The following VAT1L variants were observed in gnomAD, a reference collection of about 807,000 sequenced individuals.
VAT1L encodes the protein vesicle amine transport 1 like, also known as putative NADPH-dependent quinone oxidoreductase VAT1L.
In VAT1L, 34 loss-of-function variants were observed where a neutral mutation model predicts 44.1. That is an observed-to-expected ratio of 0.77 (90% CI 0.59 to 1.03). The LOEUF (loss-of-function observed/expected upper bound fraction) is 1.03, where lower values mean the gene tolerates loss of function less well. Ranked by LOEUF, VAT1L falls within the 50% of genes least tolerant of loss-of-function variation. The pLI is 0.00. For synonymous variants in VAT1L, 253 were observed against 202.2 expected, an observed-to-expected ratio of 1.25 and a Z score of -2.13; for missense variants, 615 against 538.8, an observed-to-expected ratio of 1.14 and a Z score of -1.40.
At chr16:77,842,233 A>C (rs2016714807) in intron 3 of VAT1L, among the ~76,000 whole-genome samples, 1 of 152,182 alleles carries the variant, frequency 6.6e-6, no homozygotes, top group South Asian at 2.1e-4. Flanking sequence ...TCCAAGGAGA[A>C]AGTCTAAAAA....
At chr16:77,962,767 G>GGAAGGAAA (rs2018176984) in intron 7 of VAT1L, among the ~76,000 whole-genome samples, 2 of 151,406 alleles carry the variant, frequency 1.3e-5, no homozygotes, top group African/African-American at 2.4e-5. Context: ...AAGGAAGGAA[G>GGAAGGAAA]GAAGGAAGGA....
At chr16:77,835,931 G>C (rs2016634299) in intron 3 of VAT1L, among the ~76,000 whole-genome samples, 1 of 151,958 alleles carries the variant, frequency 6.6e-6, no homozygotes, top group East Asian at 1.9e-4. Flanking sequence ...CTGTTGAATA[G>C]TATGTGACAG....
At chr16:77,903,536 A>T (rs2017406800) in intron 7 of VAT1L, among the ~76,000 whole-genome samples, 1 of 152,138 alleles carries the variant, frequency 6.6e-6, no homozygotes, top group South Asian at 2.1e-4. Context: ...ATTGGACTGG[A>T]CCAGGGTGTA....
chr16:77,910,304 G>T (rs544649303), intron 7 of VAT1L, among the ~76,000 whole-genome samples: 13 of 152,230 alleles, frequency 8.5e-5, no homozygotes, highest in African/African-American at 3.1e-4. Flanking sequence ...GCTAAAAAAC[G>T]AGCCTCTCAG....
At chr16:77,796,703 C>T (rs1352289229) in intron 1 of VAT1L, among the ~76,000 whole-genome samples, 1 of 152,216 alleles carries the variant, frequency 6.6e-6, no homozygotes, top group Admixed American at 6.5e-5. Flanking sequence ...CTTTTACATA[C>T]AGAACTAGGA....
chr16:77,870,551 G>T (rs990323209), intron 4 of VAT1L, among the ~76,000 whole-genome samples: 3 of 152,194 alleles, frequency 2.0e-5, no homozygotes, highest in Non-Finnish European at 2.9e-5. Flanking sequence ...TCACCATCCA[G>T]GGCCCGGGGC....
At chr16:77,827,969 GT>G (rs749969470) in intron 3 of VAT1L, among the ~76,000 whole-genome samples, 2 of 152,180 alleles carry the variant, frequency 1.3e-5, no homozygotes, top group African/African-American at 2.4e-5. Context: ...ATGTGGTCTG[GT>G]TTAATCTTCA....
At chr16:77,960,912 C>T (rs2018153619) in intron 7 of VAT1L, among the ~76,000 whole-genome samples, 1 of 152,088 alleles carries the variant, frequency 6.6e-6, no homozygotes, top group Admixed American at 6.6e-5. Flanking sequence ...CCCCATGGGT[C>T]ACGCGCTGAG....
At position 77,946,279 on chromosome 16, in the gene VAT1L, C is replaced by CGTTTTTTTTTTTTTTTTTTTTTT. The variant is rs1223152362; in HGVS notation, c.1078-25571_1078-25570insGTTTTTTTTTTTTTTTTTTTTTT. On this transcript the variant is annotated intron_variant, in intron 7 of 8. Transcript: ENST00000302536. ...GTTCTGGACATCTAGGTTACTTGTTCTTTTTTTTTTTTTTTTTTTTTTGAG... is the reference window on the plus strand; with the variant it reads ...GTTCTGGACATCTAGGTTACTTGTTCGTTTTTTTTTTTTTTTTTTTTTTTTTTTTTTTTTTTTTTTTTTTTGAG... Among the ~76,000 whole-genome samples, 3 of 70,428 alleles carry CGTTTTTTTTTTTTTTTTTTTTTT rather than the reference C, an allele frequency of 4.3e-5. 1 individual carries two copies. The highest frequency in any genetic ancestry group is 1.6e-4 in the African/African-American group (3 of 18,904). 46.2% of individuals were successfully genotyped at this position (70,428 alleles called of 152,430 possible). A position where few individuals can be genotyped will look rare whatever the true frequency, so the allele number is the denominator to read the frequency against.
chr16:77,929,591 A>G (rs12445901), intron 7 of VAT1L, among the ~76,000 whole-genome samples: 22,301 of 152,126 alleles, frequency 0.15, 1,890 homozygotes, highest in East Asian at 0.38. Context: ...AGACACTAAC[A>G]TTTTCAGGAC....
In VAT1L at chr16:77,876,423, C is replaced by T. The variant is rs1310736790; in HGVS notation, c.776C>T (p.Thr259Ile). ...TTGGATTGCCTCTGTGGGGACAACA[C>T]TGGAAAAGGTCTCAGTCTTCTCAAA... The part of the protein sequence containing the change: ...IVLDCLCGDN[T>I]GKGLSLLKPL... Residue 259 changes from threonine to isoleucine, a missense_variant, in exon 5 of 9, where the codon ACT becomes ATT. Transcript: ENST00000302536. The T allele has an allele frequency of 6.2e-7, 1 of 1,614,056 alleles. No homozygotes were observed. Among genetic ancestry groups the T allele is most frequent in the Non-Finnish European group, 8.5e-7 (1 of 1,180,030 alleles).
intron 1 of VAT1L, among the ~76,000 whole-genome samples, chr16:77,793,219 C>G (rs2015866568): frequency 6.6e-6 from 1 of 152,136 alleles, no homozygotes; most frequent in South Asian, 2.1e-4. Flanking sequence ...TCAAGTGATC[C>G]TCCTGCCTTG....
intron 7 of VAT1L, among the ~76,000 whole-genome samples, chr16:77,970,051 TAAAAAAAAAAAAA>T (rs36120858): frequency 1.2e-5 from 1 of 86,822 alleles, no homozygotes; most frequent in African/African-American, 4.8e-5. Flanking sequence ...ACATCTCTAC[TAAAAAAAAAAAAA>T]AAAAAAAAAA....
At chr16:77,966,932 TAAAAAAA>T (rs55896887) in intron 7 of VAT1L, among the ~76,000 whole-genome samples, 25,639 of 106,556 alleles carry the variant, frequency 0.24, 3,566 homozygotes, top group South Asian at 0.33. Context: ...TAGAGTACTT[TAAAAAAA>T]AAAAAAAAAA....
chr16:77,976,332 G>A (rs2018339518), intron 8 of VAT1L, among the ~76,000 whole-genome samples: 1 of 152,164 alleles, frequency 6.6e-6, no homozygotes, highest in African/African-American at 2.4e-5. Flanking sequence ...AGGGAATTCT[G>A]CAAAGGCTTC....
chr16:77,855,785 C>A (rs942913238), intron 3 of VAT1L, among the ~76,000 whole-genome samples: 6 of 152,106 alleles, frequency 3.9e-5, no homozygotes, highest in African/African-American at 1.2e-4. Flanking sequence ...TTTGGGAAGC[C>A]AAGGCGGGCG....
chr16:77,971,844 G>T lies in VAT1L; in HGVS notation c.1078-6G>T, dbSNP rs192687858. On this transcript the variant is annotated splice_polypyrimidine_tract_variant and splice_region_variant and intron_variant, in intron 7 of 8. Coordinates refer to ENST00000302536, the MANE Select transcript of VAT1L (RefSeq NM_020927.3). Reference sequence around the variant, plus strand: ...CAGCACCTCTGTTTCTCACCTTTTCGCGCAGGTGAAGGAGGCCATGCAGCG... The same window carrying T: ...CAGCACCTCTGTTTCTCACCTTTTCTCGCAGGTGAAGGAGGCCATGCAGCG... 5.0e-6 allele frequency: 8 copies of T among 1,611,794 alleles called. No individual in the cohort carries two copies. Among genetic ancestry groups the T allele is most frequent in the Non-Finnish European group, 5.1e-6 (6 of 1,179,148 alleles).
chr16:77,803,301 T>A (rs2016097773), intron 1 of VAT1L, among the ~76,000 whole-genome samples: 1 of 152,196 alleles, frequency 6.6e-6, no homozygotes, highest in Non-Finnish European at 1.5e-5. Flanking sequence ...GCTACCATAT[T>A]GGAGAGCAGC....
chr16:77,795,534 G>T (rs1033561282), intron 1 of VAT1L, among the ~76,000 whole-genome samples: 5 of 152,122 alleles, frequency 3.3e-5, no homozygotes, highest in Admixed American at 6.5e-5. Flanking sequence ...TAAACCTTTT[G>T]GGGGGTTGAA....
Sources: allele counts gnomAD v4.1 joint callset (sites outside exome capture counted in the v4.1 genomes callset), GRCh38; gene constraint gnomAD v4.1.1; transcripts MANE v1.5; gene names NCBI Gene and HGNC (gene_info 2026-07-23, HGNC 2026-07-21).